The following SEMA6D variants were observed in gnomAD, a reference collection of about 807,000 sequenced individuals.
SEMA6D encodes the protein semaphorin-6D.
Under a neutral mutation model 106.6 loss-of-function variants are expected in SEMA6D, and 35 were observed. The observed-to-expected ratio is 0.33, with a 90% CI of 0.25 to 0.44. The LOEUF is 0.44. SEMA6D is among the 20% of genes least tolerant of loss of function. The pLI is 1.00. For missense variants in SEMA6D, 1,185 were observed against 1,345.9 expected, an observed-to-expected ratio of 0.88 and a Z score of 1.87; for synonymous variants, 499 against 487.7, an observed-to-expected ratio of 1.02 and a Z score of -0.31.
chr15:47,773,958 A>G lies in SEMA6D; in HGVS notation c.*2173A>G, dbSNP rs1322321623. 6.6e-6 allele frequency: 1 copy of G among 152,628 alleles called. No homozygotes were observed. The highest frequency in any genetic ancestry group is 1.9e-4 in the East Asian group (1 of 5,184). 9.5% of individuals were successfully genotyped at this position (152,628 alleles called of 1,614,324 possible). A position where few individuals can be genotyped will look rare whatever the true frequency, so the allele number is the denominator to read the frequency against. ...GAGTTCAATCAGTATTTATGTTGAA[A>G]TTTCTAACATTAAATCTAGTCTCTA... On this transcript the variant is annotated 3_prime_UTR_variant, in exon 19 of 19. Coordinates refer to ENST00000536845, the MANE Select transcript of SEMA6D (RefSeq NM_001358351.3).
intron 2 of SEMA6D, among the ~76,000 whole-genome samples, chr15:47,462,690 T>G (rs1325636253): frequency 6.6e-6 from 1 of 152,116 alleles, no homozygotes; most frequent in Non-Finnish European, 1.5e-5. Flanking sequence ...TTTTTTCCTG[T>G]TTCTGTGAGC....
chr15:47,502,383 C>T (rs969117423), intron 3 of SEMA6D, among the ~76,000 whole-genome samples: 5 of 152,094 alleles, frequency 3.3e-5, no homozygotes, highest in Non-Finnish European at 5.9e-5. Context: ...AAAGTGGGCT[C>T]CTCTGGGAAT....
At chr15:47,597,091 A>G (rs1382331706) in intron 3 of SEMA6D, among the ~76,000 whole-genome samples, 2 of 152,072 alleles carry the variant, frequency 1.3e-5, no homozygotes, top group Admixed American at 6.5e-5. Flanking sequence ...AGAAAAATAA[A>G]TAACTCAATT....
intron 2 of SEMA6D, among the ~76,000 whole-genome samples, chr15:47,438,479 A>G (rs961109833): frequency 3.9e-5 from 6 of 152,172 alleles, no homozygotes; most frequent in Admixed American, 6.5e-5. Context: ...ACTTTATCCT[A>G]TGAGATTTGA....
At chr15:47,398,809 A>G (rs1017204992) in intron 1 of SEMA6D, among the ~76,000 whole-genome samples, 1 of 152,078 alleles carries the variant, frequency 6.6e-6, no homozygotes, top group African/African-American at 2.4e-5. Flanking sequence ...TTGCCTTTCA[A>G]ACTCAGATAA....
At chr15:47,559,506 A>C (rs529276711) in intron 3 of SEMA6D, among the ~76,000 whole-genome samples, 5 of 152,130 alleles carry the variant, frequency 3.3e-5, no homozygotes, top group Non-Finnish European at 7.4e-5. Context: ...AGAATTATAC[A>C]TATTGGAGCA....
chr15:47,357,320 A>G (rs568503262), intron 1 of SEMA6D, among the ~76,000 whole-genome samples: 14 of 152,084 alleles, frequency 9.2e-5, no homozygotes, highest in Admixed American at 8.5e-4. Flanking sequence ...GGCGACAGCA[A>G]GACTCCATCT....
At chr15:47,357,052 C>T (rs1429083226) in intron 1 of SEMA6D, among the ~76,000 whole-genome samples, 2 of 152,028 alleles carry the variant, frequency 1.3e-5, no homozygotes, top group African/African-American at 4.8e-5. Flanking sequence ...TGGGGCTGTG[C>T]GGCTGGATGC....
intron 1 of SEMA6D, among the ~76,000 whole-genome samples, chr15:47,367,723 CACACAGAG>C (rs1252791771): frequency 9.1e-5 from 2 of 21,920 alleles, no homozygotes; most frequent in African/African-American, 2.0e-4. Context: ...CACACACACA[CACACAGAG>C]AGAGAGAAAG....
chr15:47,301,958 A>G (rs1159321916), intron 1 of SEMA6D, among the ~76,000 whole-genome samples: 1 of 152,202 alleles, frequency 6.6e-6, no homozygotes, highest in East Asian at 1.9e-4. Flanking sequence ...TTATTCAGAG[A>G]CTAGAGGAAG....
At chr15:47,278,246 C>T (rs1287769146) in intron 1 of SEMA6D, among the ~76,000 whole-genome samples, 1 of 152,158 alleles carries the variant, frequency 6.6e-6, no homozygotes, top group African/African-American at 2.4e-5. Context: ...AAAAGTGTTC[C>T]TGTTTCTCCA....
chr15:47,357,499 G>T (rs2038632737), intron 1 of SEMA6D, among the ~76,000 whole-genome samples: 1 of 152,150 alleles, frequency 6.6e-6, no homozygotes, highest in Non-Finnish European at 1.5e-5. Context: ...TTGTCTGCAG[G>T]CTGAGGATCA....
At chr15:47,342,165 C>G (rs1408387555) in intron 1 of SEMA6D, among the ~76,000 whole-genome samples, 1 of 152,136 alleles carries the variant, frequency 6.6e-6, no homozygotes, top group African/African-American at 2.4e-5. Flanking sequence ...AGAGACCCAA[C>G]TAGTGGAAAC....
At chr15:47,737,170 T>G (rs1000702809) in intron 1 of SEMA6D, among the ~76,000 whole-genome samples, 1 of 152,188 alleles carries the variant, frequency 6.6e-6, no homozygotes, top group African/African-American at 2.4e-5. Context: ...TCGTGATTTC[T>G]TAGGGTACAC....
chr15:47,496,927 T>C (rs190710100), intron 3 of SEMA6D, among the ~76,000 whole-genome samples: 337 of 152,166 alleles, frequency 2.2e-3, no homozygotes, highest in African/African-American at 7.9e-3. Context: ...CTCTCCTCTC[T>C]TGGACCAGCA....
intron 1 of SEMA6D, among the ~76,000 whole-genome samples, chr15:47,723,614 T>C (rs1444743290): frequency 6.6e-6 from 1 of 152,200 alleles, no homozygotes; most frequent in East Asian, 1.9e-4. Flanking sequence ...TTAGTTATGA[T>C]GGAGGGAAAA....
intron 2 of SEMA6D, among the ~76,000 whole-genome samples, chr15:47,466,820 A>G (rs894386139): frequency 2.7e-5 from 4 of 148,246 alleles, no homozygotes. Context: ...TCCACCTCCC[A>G]GGTTCAAGTG....
intron 4 of SEMA6D, among the ~76,000 whole-genome samples, chr15:47,664,333 C>T (rs749061023): frequency 4.6e-5 from 7 of 152,064 alleles, no homozygotes; most frequent in Non-Finnish European, 1.0e-4. Context: ...AATAACTGAG[C>T]TCTGTTTATA....
At chr15:47,246,636 C>A (rs1193287402) in intron 1 of SEMA6D, among the ~76,000 whole-genome samples, 1 of 152,196 alleles carries the variant, frequency 6.6e-6, no homozygotes, top group African/African-American at 2.4e-5. Context: ...GACCCTTCTC[C>A]CATCATTGCG....
Sources: allele counts gnomAD v4.1 joint callset (sites outside exome capture counted in the v4.1 genomes callset), GRCh38; gene constraint gnomAD v4.1.1; transcripts MANE v1.5; gene names NCBI Gene and HGNC (gene_info 2026-07-23, HGNC 2026-07-21).